The following SPATS2 variants were observed in gnomAD, a reference collection of about 807,000 sequenced individuals.
SPATS2 encodes spermatogenesis-associated serine-rich protein 2.
A neutral mutation model predicts 63.7 loss-of-function variants in SPATS2; 38 were observed. That is an observed-to-expected ratio of 0.60 (90% confidence interval 0.46 to 0.78). The LOEUF is 0.78. SPATS2 is among the 30% of genes least tolerant of loss of function. The pLI, the probability that SPATS2 is intolerant of heterozygous loss-of-function variation, is 0.00. For missense variants in SPATS2, 588 were observed against 666.2 expected, an observed-to-expected ratio of 0.88 and a Z score of 1.29; for synonymous variants, 207 against 232.9, an observed-to-expected ratio of 0.89 and a Z score of 1.01.
chr12:49,450,406 G>T lies in SPATS2; in HGVS notation c.-243-10364G>T, dbSNP rs1945598892. 2.0e-5 allele frequency among the ~76,000 whole-genome samples: 3 copies of T among 151,862 alleles called. 1 individual carries two copies. The South Asian group carries it at 6.2e-4, about 32-fold the overall frequency. On this transcript the variant is annotated intron_variant, in intron 2 of 13. Transcript: ENST00000552918. ...CCACAGGCGCCCGACACCATGCCTGGTTAATTTTTTGTATTTTTTAGTAGA... is the reference window on the plus strand; with the variant it reads ...CCACAGGCGCCCGACACCATGCCTGTTTAATTTTTTGTATTTTTTAGTAGA...
chr12:49,429,333 T>C (rs1945138099), intron 2 of SPATS2, among the ~76,000 whole-genome samples: 1 of 152,200 alleles, frequency 6.6e-6, no homozygotes, highest in African/African-American at 2.4e-5. Flanking sequence ...TGATCAAGTC[T>C]TACAATTATG....
chr12:49,430,847 G>A (rs1945172535), intron 2 of SPATS2, among the ~76,000 whole-genome samples: 2 of 152,018 alleles, frequency 1.3e-5, no homozygotes, highest in Admixed American at 1.3e-4. Context: ...CTACAGGCAT[G>A]TGCCACCACA....
chr12:49,394,292 T>A (rs1319956971), intron 2 of SPATS2, among the ~76,000 whole-genome samples: 1 of 144,948 alleles, frequency 6.9e-6, no homozygotes, highest in Non-Finnish European at 1.5e-5. Flanking sequence ...TGAGCTGAGA[T>A]CGAGTCACTG....
At chr12:49,511,280 T>C (rs898767830) in intron 9 of SPATS2, among the ~76,000 whole-genome samples, 2 of 152,036 alleles carry the variant, frequency 1.3e-5, no homozygotes, top group African/African-American at 2.4e-5. Context: ...GAAGGAAATA[T>C]AGAACATTTA....
chr12:49,511,707 A>T (rs919622878), intron 9 of SPATS2, among the ~76,000 whole-genome samples: 1 of 152,224 alleles, frequency 6.6e-6, no homozygotes, highest in African/African-American at 2.4e-5. Context: ...TGTTTAGCTC[A>T]GAAACAGATG....
chr12:49,487,867 A>G (rs971616866), intron 4 of SPATS2, among the ~76,000 whole-genome samples: 42 of 152,012 alleles, frequency 2.8e-4, no homozygotes, highest in Non-Finnish European at 4.1e-4. Context: ...AAGTGCTGGC[A>G]TTACTGGGCT....
intron 2 of SPATS2, among the ~76,000 whole-genome samples, chr12:49,401,783 C>T (rs978187205): frequency 6.6e-6 from 1 of 151,714 alleles, no homozygotes; most frequent in African/African-American, 2.4e-5. Flanking sequence ...CTGCAACCTC[C>T]GCCTCCCAGA....
intron 2 of SPATS2, among the ~76,000 whole-genome samples, chr12:49,453,160 CAAA>C (rs534605136): frequency 8.7e-5 from 8 of 91,774 alleles, no homozygotes; most frequent in Non-Finnish European, 4.8e-5. Flanking sequence ...GACTCCGTCT[CAAA>C]AAAAAAAAAA....
intron 2 of SPATS2, among the ~76,000 whole-genome samples, chr12:49,394,744 T>A (rs1944479044): frequency 6.6e-6 from 1 of 152,124 alleles, no homozygotes; most frequent in Non-Finnish European, 1.5e-5. Context: ...TATCAGATAG[T>A]TTTTTCACAG....
At chr12:49,461,204 A>G (rs1046780378) in intron 3 of SPATS2, 167 bp downstream of exon 3, 9 of 697,682 alleles carry the variant, frequency 1.3e-5, no homozygotes, top group Admixed American at 3.1e-5. Context: ...ATTAATTCAT[A>G]TAACAATAGC....
At chr12:49,503,510 G>T (rs1476794075) in intron 9 of SPATS2, among the ~76,000 whole-genome samples, 2 of 151,850 alleles carry the variant, frequency 1.3e-5, no homozygotes, top group Non-Finnish European at 2.9e-5. Context: ...TTAGCCGGGC[G>T]TGGTGGCGGG....
chr12:49,514,474 C>T, intron 9 of SPATS2, 81 bp from the exon 10 acceptor site: 2 of 1,326,984 alleles, frequency 1.5e-6, no homozygotes, highest in Admixed American at 4.0e-5. Context: ...ACTCACTGGT[C>T]TTTCTTTACT....
At chr12:49,368,396 C>A in intron 1 of SPATS2, among the ~76,000 whole-genome samples, 1 of 152,070 alleles carries the variant, frequency 6.6e-6, no homozygotes, top group Non-Finnish European at 1.5e-5. Context: ...GACAGATCAC[C>A]AAAAATATCT....
chr12:49,481,113 TACTTTTTCTCAA>T (rs2061155099), intron 3 of SPATS2, among the ~76,000 whole-genome samples: 1 of 152,212 alleles, frequency 6.6e-6, no homozygotes, highest in African/African-American at 2.4e-5. Flanking sequence ...GTAAATAACA[TACTTTTTCTCAA>T]ATATACCTGA....
At chr12:49,482,693 A>G (rs1437781816) in intron 3 of SPATS2, among the ~76,000 whole-genome samples, 1 of 152,220 alleles carries the variant, frequency 6.6e-6, no homozygotes, top group Non-Finnish European at 1.5e-5. Flanking sequence ...TAGCTGCTTT[A>G]TATATTTTTA....
chr12:49,501,546 A>G (rs1429894430), intron 9 of SPATS2, among the ~76,000 whole-genome samples: 10 of 152,216 alleles, frequency 6.6e-5, no homozygotes, highest in Non-Finnish European at 1.5e-4. Flanking sequence ...GCAATATTCT[A>G]ATGTTTCCTG....
intron 2 of SPATS2, among the ~76,000 whole-genome samples, chr12:49,386,054 A>G (rs1944312923): frequency 6.6e-6 from 1 of 150,490 alleles, no homozygotes; most frequent in South Asian, 2.1e-4. Flanking sequence ...TTTTTAGTAG[A>G]GTCGGGGTTT....
chr12:49,519,085 T>C lies in SPATS2; in HGVS notation c.911T>C (p.Leu304Pro), dbSNP rs768516162. The C allele has an allele frequency of 6.2e-7, 1 of 1,613,732 alleles. No homozygotes were observed. The highest frequency in any genetic ancestry group is 8.5e-7 in the Non-Finnish European group (1 of 1,179,870). The change falls in exon 11 of 14, where the codon CTC becomes CCC. Residue 304 changes from leucine to proline, a missense_variant. Physicochemically the swap from Leu to Pro is moderately conservative, Grantham distance 98. Transcript: ENST00000552918. ...KVKAEAMEILLSRQKKAELLK... is the reference protein window; with the variant it reads ...KVKAEAMEILPSRQKKAELLK... ...TTTTCCTCTACAGTGGAAATTTTGC[T>C]CAGCCGACAAAAGAAGGCTGAACTT...
intron 6 of SPATS2, among the ~76,000 whole-genome samples, chr12:49,493,269 G>A (rs1946413783): frequency 6.6e-6 from 1 of 152,114 alleles, no homozygotes; most frequent in Non-Finnish European, 1.5e-5. Context: ...GTTGCCAGTG[G>A]AGCTACGAGT....
Sources: allele counts gnomAD v4.1 joint callset (sites outside exome capture counted in the v4.1 genomes callset), GRCh38; gene constraint gnomAD v4.1.1; transcripts MANE v1.5; gene names NCBI Gene and HGNC (gene_info 2026-07-23, HGNC 2026-07-21).